Variants in WWP1 observed in about 807,000 individuals in gnomAD.
The protein encoded by WWP1 is NEDD4-like E3 ubiquitin-protein ligase WWP1.
In WWP1, 49 loss-of-function variants were observed where a neutral mutation model predicts 130.6. That is an observed-to-expected ratio of 0.38 (90% confidence interval 0.30 to 0.48). The LOEUF is 0.48. Ranked by LOEUF, WWP1 falls within the 20% of genes least tolerant of loss-of-function variation. The pLI is 0.99. For synonymous variants in WWP1, 332 were observed against 367.8 expected, an observed-to-expected ratio of 0.90 and a Z score of 1.11; for missense variants, 809 against 1,100.6, an observed-to-expected ratio of 0.74 and a Z score of 3.75.
chr8:86,464,069 C>CA (rs201662084), intron 24 of WWP1, among the ~76,000 whole-genome samples: 1,602 of 151,284 alleles, frequency 0.011, 27 homozygotes, highest in African/African-American at 0.035. Flanking sequence ...TCAAAAAAAA[C>CA]AAAAAAAAGA....
rs1372375384 is a variant in WWP1 at position 86,468,420 on chromosome 8, A to T, written c.*1527A>T. 1 of 442,696 alleles carries T rather than the reference A, an allele frequency of 2.3e-6. No individual in the cohort carries two copies. Among genetic ancestry groups the T allele is most frequent in the African/African-American group, 2.0e-5 (1 of 49,064 alleles). The allele number at this position is 442,696 out of a possible 1,614,324, so 27.4% of individuals were successfully genotyped here. On this transcript the variant is annotated 3_prime_UTR_variant, in exon 25 of 25. Coordinates refer to ENST00000517970, the MANE Select transcript of WWP1 (RefSeq NM_007013.4). The stretch of plus-strand genomic sequence containing the variant: ...TATTATGAACACTCTGGTAATTTTC[A>T]AGCCTAAAGAATTAAAAAAAAAATT...
intron 11 of WWP1, among the ~76,000 whole-genome samples, chr8:86,430,428 G>T (rs1280488132): frequency 6.6e-6 from 1 of 151,828 alleles, no homozygotes; most frequent in Non-Finnish European, 1.5e-5. Flanking sequence ...CTTTAGGCAT[G>T]TGCCAACACA....
chr8:86,394,701 A>G (rs1807550660), intron 5 of WWP1, among the ~76,000 whole-genome samples: 1 of 152,152 alleles, frequency 6.6e-6, no homozygotes, highest in East Asian at 1.9e-4. Context: ...TGACAGAATA[A>G]TATCTTTTTC....
At chr8:86,392,482 C>A (rs979567435) in intron 5 of WWP1, among the ~76,000 whole-genome samples, 6 of 151,934 alleles carry the variant, frequency 3.9e-5, no homozygotes, top group Non-Finnish European at 8.8e-5. Context: ...TTAATAGAAC[C>A]AAGAACTTAG....
chr8:86,378,458 C>T (rs1397951318), intron 3 of WWP1, among the ~76,000 whole-genome samples: 1 of 151,824 alleles, frequency 6.6e-6, no homozygotes. Context: ...TGAGTTAACT[C>T]TCCCTACCCT....
At chr8:86,346,652 A>G (rs1822601597) in intron 1 of WWP1, among the ~76,000 whole-genome samples, 1 of 152,220 alleles carries the variant, frequency 6.6e-6, no homozygotes, top group Admixed American at 6.5e-5. Flanking sequence ...ATAGGTAATC[A>G]TAGCATGTTA....
chr8:86,346,597 G>A (rs1822597791), intron 1 of WWP1, among the ~76,000 whole-genome samples: 1 of 152,128 alleles, frequency 6.6e-6, no homozygotes, highest in African/African-American at 2.4e-5. Context: ...AGTGCGATTG[G>A]TAAACAGTTG....
intron 5 of WWP1, 80 bp from the exon 6 acceptor site, chr8:86,398,262 A>G (rs1271721439): frequency 6.9e-7 from 1 of 1,454,420 alleles, no homozygotes; most frequent in Non-Finnish European, 9.3e-7. Context: ...AATTAGAGTG[A>G]TTCTTGAAAT....
rs1812227297 is a variant in WWP1, at chr8:86,467,284, C to T, written c.*391C>T. 2 of 158,792 alleles carry T rather than the reference C, an allele frequency of 1.3e-5. No individual in the cohort carries two copies. Among genetic ancestry groups the T allele is most frequent in the Non-Finnish European group, 2.7e-5 (2 of 72,818 alleles). 9.8% of individuals were successfully genotyped at this position (158,792 alleles called of 1,614,324 possible). ...TTAATATTATCTAGGGGAAAAAGTG[C>T]AAATTGCTCCATGTTCTTCTCTCCC... On this transcript the variant is annotated 3_prime_UTR_variant, in exon 25 of 25. Coordinates refer to ENST00000517970, the MANE Select transcript of WWP1 (RefSeq NM_007013.4).
intron 1 of WWP1, among the ~76,000 whole-genome samples, chr8:86,349,593 A>G (rs1240688535): frequency 1.3e-5 from 2 of 152,238 alleles, no homozygotes; most frequent in Non-Finnish European, 2.9e-5. Flanking sequence ...GAGTCTGAGC[A>G]TGCCACAGGG....
chr8:86,436,497 C>T (rs1810293909), intron 16 of WWP1, among the ~76,000 whole-genome samples: 1 of 152,130 alleles, frequency 6.6e-6, no homozygotes, highest in African/African-American at 2.4e-5. Flanking sequence ...TTTTCATAAC[C>T]ACCCAACATA....
intron 1 of WWP1, among the ~76,000 whole-genome samples, chr8:86,353,130 T>C (rs7841690): frequency 0.73 from 111,168 of 152,042 alleles, 41,491 homozygotes; most frequent in African/African-American, 0.83. Flanking sequence ...AGGGAAAAGC[T>C]TTTGCTTAGG....
intron 5 of WWP1, among the ~76,000 whole-genome samples, chr8:86,391,100 ACTCTCC>A (rs776544937): frequency 6.6e-6 from 1 of 151,918 alleles, no homozygotes; most frequent in Non-Finnish European, 1.5e-5. Flanking sequence ...AACCCCCCAG[ACTCTCC>A]TAACATAAAT....
intron 8 of WWP1, among the ~76,000 whole-genome samples, chr8:86,409,254 G>C (rs60922740): frequency 1.0e-5 from 1 of 98,686 alleles, no homozygotes; most frequent in African/African-American, 4.1e-5. Flanking sequence ...TTTTTCTTCA[G>C]ACGGAGTCTT....
chr8:86,345,311 A>G (rs1233743513), intron 1 of WWP1, among the ~76,000 whole-genome samples: 1 of 152,142 alleles, frequency 6.6e-6, no homozygotes, highest in Non-Finnish European at 1.5e-5. Context: ...TGGCCTGGAA[A>G]ATTTCCATAT....
chr8:86,444,653 A>T (rs1810764541), intron 18 of WWP1, among the ~76,000 whole-genome samples: 1 of 152,340 alleles, frequency 6.6e-6, no homozygotes. Context: ...TAGACTGAGC[A>T]AGATGAAGCC....
At chr8:86,463,406 A>C (rs112261455) in intron 24 of WWP1, among the ~76,000 whole-genome samples, 22 of 152,104 alleles carry the variant, frequency 1.4e-4, no homozygotes, top group African/African-American at 5.3e-4. Context: ...TCCCAAGTTC[A>C]AGCGATTCTC....
chr8:86,416,514 C>T (rs996682924), intron 9 of WWP1, among the ~76,000 whole-genome samples: 3 of 152,060 alleles, frequency 2.0e-5, no homozygotes, highest in Non-Finnish European at 4.4e-5. Flanking sequence ...CAGAAGTTGC[C>T]CAGTCGTTCA....
chr8:86,440,463 A>G (rs571141937), intron 17 of WWP1, among the ~76,000 whole-genome samples: 2 of 152,154 alleles, frequency 1.3e-5, no homozygotes, highest in Non-Finnish European at 2.9e-5. Context: ...TTGTTTTTCC[A>G]ATACTCAGAC....
Sources: allele counts gnomAD v4.1 joint callset (sites outside exome capture counted in the v4.1 genomes callset), GRCh38; gene constraint gnomAD v4.1.1; transcripts MANE v1.5; gene names NCBI Gene and HGNC (gene_info 2026-07-23, HGNC 2026-07-21).